Variants in ADAM22 observed in about 807,000 individuals in gnomAD.
ADAM22 encodes disintegrin and metalloproteinase domain-containing protein 22.
Under a neutral mutation model 144.6 loss-of-function variants are expected in ADAM22, and 65 were observed. That is an observed-to-expected ratio of 0.45 (90% CI 0.37 to 0.55). The LOEUF is 0.55. Ranked by LOEUF, ADAM22 falls within the 20% of genes least tolerant of loss-of-function variation. ADAM22 has a pLI of 0.00. For missense variants in ADAM22, 974 were observed against 1,184.9 expected, an observed-to-expected ratio of 0.82 and a Z score of 2.61; for synonymous variants, 391 against 412.6, an observed-to-expected ratio of 0.95 and a Z score of 0.63.
chr7:88,044,386 C>T (rs956022257), intron 3 of ADAM22, among the ~76,000 whole-genome samples: 3 of 152,060 alleles, frequency 2.0e-5, no homozygotes, highest in Admixed American at 6.5e-5. Flanking sequence ...TGGATGTATA[C>T]GTGGAATTTT....
chr7:88,110,805 T>G, intron 5 of ADAM22, among the ~76,000 whole-genome samples: 1 of 1,848 alleles, frequency 5.4e-4, no homozygotes, highest in South Asian at 0.017. Context: ...TGCAGTGGTA[T>G]GATCTCAGCT....
chr7:88,076,886 C>T (rs1301383836), intron 4 of ADAM22, among the ~76,000 whole-genome samples: 1 of 152,136 alleles, frequency 6.6e-6, no homozygotes, highest in Non-Finnish European at 1.5e-5. Context: ...TATTCATTTC[C>T]TTTTTCTAAT....
intron 4 of ADAM22, among the ~76,000 whole-genome samples, chr7:88,092,874 T>A (rs1227034975): frequency 6.6e-6 from 1 of 152,210 alleles, no homozygotes; most frequent in African/African-American, 2.4e-5. Context: ...ACAGCTGCTG[T>A]CAGCATGAGT....
rs151285133 is a variant in ADAM22, at chr7:88,137,470, A to G, written c.1220+1439A>G. 2.7e-4 allele frequency among the ~76,000 whole-genome samples: 41 copies of G among 152,304 alleles called. No individual in the cohort carries two copies. The East Asian group carries it at 6.9e-3, about 26-fold the overall frequency. On this transcript the variant is annotated intron_variant, in intron 14 of 31. Transcript: ENST00000413139. Reference sequence around the variant, plus strand: ...CAATTTGCTAACCATAATACTACATAGATTTTCAGCTTCTTAAATACTTGC... The same window carrying G: ...CAATTTGCTAACCATAATACTACATGGATTTTCAGCTTCTTAAATACTTGC...
At chr7:88,143,173 C>A in intron 15 of ADAM22, 48 bp downstream of exon 15, 2 of 1,277,930 alleles carry the variant, frequency 1.6e-6, no homozygotes, top group Non-Finnish European at 2.2e-6. Flanking sequence ...ATCAACCTTT[C>A]TAAAATATTA....
intron 2 of ADAM22, among the ~76,000 whole-genome samples, chr7:87,948,413 T>C (rs1389292005): frequency 6.6e-6 from 1 of 152,228 alleles, no homozygotes; most frequent in Non-Finnish European, 1.5e-5. Flanking sequence ...TTGTGCCCCT[T>C]GAATTGCTCC....
chr7:87,944,999 T>TGTC (rs1843337670), intron 2 of ADAM22, among the ~76,000 whole-genome samples: 2 of 149,734 alleles, frequency 1.3e-5, no homozygotes, highest in Admixed American at 6.7e-5. Context: ...CTTTCACCTC[T>TGTC]TTCTTCTTCT....
chr7:88,071,971 A>G (rs994874423), intron 3 of ADAM22, among the ~76,000 whole-genome samples: 1 of 152,064 alleles, frequency 6.6e-6, no homozygotes, highest in Non-Finnish European at 1.5e-5. Context: ...AGAAAATAAC[A>G]AGATAATTTG....
chr7:88,010,800 T>C (rs1344032276), intron 3 of ADAM22, among the ~76,000 whole-genome samples: 1 of 152,170 alleles, frequency 6.6e-6, no homozygotes, highest in African/African-American at 2.4e-5. Context: ...TTGTCCACTG[T>C]AGTAGCTGAG....
rs923213747 is a variant in ADAM22 at position 88,197,385 on chromosome 7, C to G, written c.*894C>G. ...TTGAGTGAGAGAACAAAATGCCCAG[C>G]AAAACTTCTGGCCTCCACAGTTTGC... On this transcript the variant is annotated 3_prime_UTR_variant, in exon 32 of 32. Transcript: ENST00000413139. The G allele has an allele frequency of 6.6e-6, 1 of 152,190 alleles. No individual in the cohort carries two copies. Among genetic ancestry groups the G allele is most frequent in the African/African-American group, 2.4e-5 (1 of 41,434 alleles). 9.4% of individuals were successfully genotyped at this position (152,190 alleles called of 1,614,324 possible). A position where few individuals can be genotyped will look rare whatever the true frequency, so the allele number is the denominator to read the frequency against.
At chr7:88,168,704 C>G (rs2129532457) in intron 25 of ADAM22, among the ~76,000 whole-genome samples, 1 of 152,114 alleles carries the variant, frequency 6.6e-6, no homozygotes, top group Non-Finnish European at 1.5e-5. Flanking sequence ...TCTTTGTATT[C>G]AAATAACTAA....
rs568868119 is a variant in ADAM22 at position 88,050,941 on chromosome 7, A to G, written c.324-24685A>G. Among the ~76,000 whole-genome samples the G allele has an allele frequency of 6.4e-3, 974 of 152,314 alleles. 12 individuals carry two copies. The highest frequency in any genetic ancestry group is 0.023 in the African/African-American group (939 of 41,550). On this transcript the variant is annotated intron_variant, in intron 3 of 31. Transcript: ENST00000413139. ...AGACATGAAGTCCTTGACCATGCCT[A>G]TGTCCTGAATGGTATTGCCTAGGTT... is the stretch of plus-strand genomic sequence containing the variant.
chr7:88,165,201 G>A (rs1002135098), intron 23 of ADAM22, among the ~76,000 whole-genome samples: 4 of 151,970 alleles, frequency 2.6e-5, no homozygotes, highest in Non-Finnish European at 4.4e-5. Flanking sequence ...AATGAAGAGA[G>A]ATTATTTTCC....
intron 14 of ADAM22, among the ~76,000 whole-genome samples, chr7:88,140,050 G>A (rs2129517342): frequency 6.6e-6 from 1 of 152,220 alleles, no homozygotes; most frequent in South Asian, 2.1e-4. Flanking sequence ...AGAAGGCAAG[G>A]GGAAGCAGGT....
At chr7:88,138,211 T>A (rs898405473) in intron 14 of ADAM22, among the ~76,000 whole-genome samples, 1 of 152,194 alleles carries the variant, frequency 6.6e-6, no homozygotes, top group Non-Finnish European at 1.5e-5. Flanking sequence ...TGTTTAGTAA[T>A]GACAGGAAAT....
intron 27 of ADAM22, among the ~76,000 whole-genome samples, chr7:88,180,557 T>G (rs1019839950): frequency 6.6e-6 from 1 of 152,048 alleles, no homozygotes; most frequent in Non-Finnish European, 1.5e-5. Flanking sequence ...TATTATTCCA[T>G]TAACCAGATT....
At position 87,935,069 on chromosome 7, in the gene ADAM22, C is replaced by A; in HGVS notation, c.129C>A (p.Arg43=). 1 of 1,614,192 alleles carries A rather than the reference C, an allele frequency of 6.2e-7. No homozygotes were observed. Among genetic ancestry groups the A allele is most frequent in the South Asian group, 1.1e-5 (1 of 91,088 alleles). ...AGCTAGAGAAGAGGAAGGAAAACCGCTTCGTGGAGCGCCAGAGCATCGTGC... is the reference window on the plus strand; with the variant it reads ...AGCTAGAGAAGAGGAAGGAAAACCGATTCGTGGAGCGCCAGAGCATCGTGC... The part of the protein sequence containing the change: ...LMELEKRKEN[R]FVERQSIVPL... Residue 43 remains arginine (R), a synonymous_variant, in exon 2 of 32, where the codon CGC becomes CGA. Coordinates refer to ENST00000413139, the MANE Select transcript of ADAM22 (RefSeq NM_001324418.2).
chr7:88,125,473 A>G (rs1192142674), intron 7 of ADAM22, 116 bp from the exon 8 acceptor site: 5 of 621,846 alleles, frequency 8.0e-6, no homozygotes, highest in Non-Finnish European at 1.4e-5. Context: ...TGTGATCGTT[A>G]AGTGCAACAT....
chr7:88,081,717 T>C (rs2129483038), intron 4 of ADAM22, among the ~76,000 whole-genome samples: 1 of 136,802 alleles, frequency 7.3e-6, no homozygotes, highest in South Asian at 2.7e-4. Flanking sequence ...AGCTAAATCA[T>C]GAGTGAACTC....
Sources: allele counts gnomAD v4.1 joint callset (sites outside exome capture counted in the v4.1 genomes callset), GRCh38; gene constraint gnomAD v4.1.1; transcripts MANE v1.5; gene names NCBI Gene and HGNC (gene_info 2026-07-23, HGNC 2026-07-21).